The following SOX5 variants were observed in gnomAD, a reference collection of about 807,000 sequenced individuals.
The protein encoded by SOX5 is SRY-box transcription factor 5, also known as transcription factor SOX-5.
Under a neutral mutation model 92.0 loss-of-function variants are expected in SOX5, and 9 were observed. That is an observed-to-expected ratio of 0.10 (90% confidence interval 0.06 to 0.17). The LOEUF (loss-of-function observed/expected upper bound fraction) is 0.17. Ranked by LOEUF, SOX5 falls within the 10% of genes least tolerant of loss-of-function variation. The pLI is 1.00. For synonymous variants in SOX5, 344 were observed against 336.3 expected (o/e 1.02, Z -0.25); for missense variants, 642 against 944.5 (o/e 0.68, Z 4.20).
Position 23,536,474 on chromosome 12 carries a change from A to G in SOX5, c.1967T>C (p.Met656Thr). ...ATACCCAACATTGAAGTACTGCCGC[A>G]TTTCCTGCCGCCTGTTGCGCATGAT... The part of the protein sequence containing the change: ...KAIMRNRRQE[M>T]RQYFNVGQQA... Residue 656 changes from methionine (M) to threonine (T), a missense_variant, in exon 14 of 15, where the codon ATG (methionine) becomes ACG (threonine). Physicochemically the swap from Met to Thr is moderately conservative, Grantham distance 81. This residue lies in a region of SOX5 where 130 missense variants were observed against 140.6 expected (regional missense o/e 0.92). Coordinates refer to ENST00000451604, the MANE Select transcript of SOX5 (RefSeq NM_006940.6). 6.2e-7 allele frequency: 1 copy of G among 1,614,090 alleles called. No individual in the cohort carries two copies. Among genetic ancestry groups the G allele is most frequent in the African/African-American group, 1.3e-5 (1 of 75,056 alleles).
chr12:23,669,926 G>A (rs775777112), intron 6 of SOX5, among the ~76,000 whole-genome samples: 4 of 152,122 alleles, frequency 2.6e-5, no homozygotes, highest in Non-Finnish European at 5.9e-5. Flanking sequence ...CAGAGGCCAC[G>A]CTATGGGAAG....
intron 2 of SOX5, among the ~76,000 whole-genome samples, chr12:23,857,328 T>C (rs890951745): frequency 6.6e-6 from 1 of 152,142 alleles, no homozygotes; most frequent in Non-Finnish European, 1.5e-5. Context: ...CAGTGGTATG[T>C]AGAATTAATT....
chr12:23,703,248 G>A (rs1203035263), intron 6 of SOX5, among the ~76,000 whole-genome samples: 1 of 152,034 alleles, frequency 6.6e-6, no homozygotes, highest in African/African-American at 2.4e-5. Context: ...GTAAATGAGT[G>A]AAACAATAGC....
At chr12:23,708,334 A>G (rs1216715378) in intron 6 of SOX5, among the ~76,000 whole-genome samples, 1 of 152,074 alleles carries the variant, frequency 6.6e-6, no homozygotes, top group Non-Finnish European at 1.5e-5. Flanking sequence ...AAAAACAAAC[A>G]CAGAGGCTAG....
chr12:24,254,546 T>C (rs1235673468), intron 3 of SOX5, among the ~76,000 whole-genome samples: 1 of 152,036 alleles, frequency 6.6e-6, no homozygotes, highest in Non-Finnish European at 1.5e-5. Context: ...TGCTGAATAT[T>C]TCATGTAATT....
At chr12:24,093,038 A>C (rs536135161) in intron 4 of SOX5, among the ~76,000 whole-genome samples, 37 of 152,200 alleles carry the variant, frequency 2.4e-4, no homozygotes, top group Non-Finnish European at 4.9e-4. Flanking sequence ...AAATAAAAAA[A>C]TCATGAGCTA....
upstream of SOX5, chr12:23,949,730 C>CA: frequency 9.3e-7 from 1 of 1,078,144 alleles, no homozygotes; most frequent in Non-Finnish European, 1.3e-6. Flanking sequence ...CTCCCTCCCT[C>CA]CCTCTCTCTC....
intron 4 of SOX5, among the ~76,000 whole-genome samples, chr12:24,128,758 G>T (rs1949358617): frequency 6.6e-6 from 1 of 152,062 alleles, no homozygotes; most frequent in Non-Finnish European, 1.5e-5. Context: ...GCTATTGGAG[G>T]GCTTTAAACA....
At chr12:24,220,206 A>G (rs1960068140) in intron 3 of SOX5, among the ~76,000 whole-genome samples, 1 of 152,120 alleles carries the variant, frequency 6.6e-6, no homozygotes, top group South Asian at 2.1e-4. Context: ...CTAGATATAG[A>G]AGATAGTATC....
chr12:23,992,678 T>C (rs1398643173), intron 4 of SOX5, among the ~76,000 whole-genome samples: 1 of 152,198 alleles, frequency 6.6e-6, no homozygotes, highest in African/African-American at 2.4e-5. Context: ...CAAATATATT[T>C]ATTTTCTTCT....
intron 1 of SOX5, among the ~76,000 whole-genome samples, chr12:24,439,757 T>G (rs2137164056): frequency 6.6e-6 from 1 of 152,064 alleles, no homozygotes; most frequent in East Asian, 1.9e-4. Context: ...TGGTCGGGCA[T>G]GGTGGCGGGC....
intron 4 of SOX5, among the ~76,000 whole-genome samples, chr12:24,089,153 G>A (rs910857639): frequency 6.6e-6 from 1 of 152,046 alleles, no homozygotes; most frequent in Non-Finnish European, 1.5e-5. Context: ...TAGTGAAGTA[G>A]GAAGATAAGA....
At chr12:23,945,443 C>A (rs1944421311) in intron 1 of SOX5, among the ~76,000 whole-genome samples, 1 of 152,108 alleles carries the variant, frequency 6.6e-6, no homozygotes, top group South Asian at 2.1e-4. Flanking sequence ...TGACATTTAA[C>A]CCTTAATTGT....
chr12:23,813,642 T>C (rs1048181063), intron 3 of SOX5, among the ~76,000 whole-genome samples: 1 of 152,178 alleles, frequency 6.6e-6, no homozygotes, highest in Admixed American at 6.6e-5. Context: ...TTCTTTTAGA[T>C]AAAAATGACA....
chr12:23,655,244 G>T (rs2082164780), intron 7 of SOX5, among the ~76,000 whole-genome samples: 1 of 152,072 alleles, frequency 6.6e-6, no homozygotes, highest in Non-Finnish European at 1.5e-5. Flanking sequence ...AGGTGACAAT[G>T]AATCAAATAT....
intron 1 of SOX5, among the ~76,000 whole-genome samples, chr12:24,397,711 C>G (rs1054233181): frequency 1.3e-5 from 2 of 151,868 alleles, no homozygotes; most frequent in Non-Finnish European, 2.9e-5. Flanking sequence ...GGAAGGGTCC[C>G]AAACATCACA....
chr12:24,528,741 C>T (rs939972938), intron 1 of SOX5, among the ~76,000 whole-genome samples: 1 of 152,178 alleles, frequency 6.6e-6, no homozygotes, highest in Non-Finnish European at 1.5e-5. Context: ...ATCCAGCATC[C>T]TCAGTGGATC....
intron 3 of SOX5, among the ~76,000 whole-genome samples, chr12:24,245,594 G>T (rs1938531133): frequency 6.6e-6 from 1 of 152,018 alleles, no homozygotes; most frequent in East Asian, 1.9e-4. Flanking sequence ...CTGATTTGGG[G>T]TCTTTGCCAG....
intron 1 of SOX5, among the ~76,000 whole-genome samples, chr12:23,908,096 G>A (rs986734149): frequency 6.6e-6 from 1 of 152,030 alleles, no homozygotes; most frequent in Non-Finnish European, 1.5e-5. Flanking sequence ...TCTTAGCATG[G>A]TCTACGTCTT....
Sources: allele counts gnomAD v4.1 joint callset (sites outside exome capture counted in the v4.1 genomes callset), GRCh38; gene constraint gnomAD v4.1.1; regional missense constraint gnomAD v4.1.1; transcripts MANE v1.5; gene names NCBI Gene and HGNC (gene_info 2026-07-23, HGNC 2026-07-21).